Variants in LIMS1 observed in about 807,000 individuals in gnomAD.
LIMS1 encodes LIM zinc finger domain containing 1, also known as LIM and senescent cell antigen-like-containing domain protein 1.
Under a neutral mutation model 44.1 loss-of-function variants are expected in LIMS1, and 18 were observed. That is an observed-to-expected ratio of 0.41 (90% confidence interval 0.28 to 0.61). The LOEUF (loss-of-function observed/expected upper bound fraction) is 0.61. Ranked by LOEUF, LIMS1 falls within the 20% of genes least tolerant of loss-of-function variation. The pLI, the probability that LIMS1 is intolerant of heterozygous loss-of-function variation, is 0.32. For synonymous variants in LIMS1, 93 were observed against 149.1 expected, an observed-to-expected ratio of 0.62 and a Z score of 2.74; for missense variants, 201 against 422.0, an observed-to-expected ratio of 0.48 and a Z score of 4.59.
At chr2:108,534,224 G>T (rs1342035436), upstream of LIMS1, 1 of 158,084 alleles carries the variant, frequency 6.3e-6, no homozygotes, top group Non-Finnish European at 1.4e-5. Context: ...TGAAATGGGG[G>T]CGGGCCCGAG....
chr2:108,584,584 C>T (rs1686018762), intron 1 of LIMS1, among the ~76,000 whole-genome samples: 1 of 152,008 alleles, frequency 6.6e-6, no homozygotes, highest in African/African-American at 2.4e-5. Context: ...AACAGGAGCT[C>T]ATAAAATGAT....
chr2:108,682,218 A>G (rs1293282287), intron 9 of LIMS1, among the ~76,000 whole-genome samples: 5 of 152,174 alleles, frequency 3.3e-5, no homozygotes, highest in African/African-American at 1.2e-4. Context: ...TAAATGTAAG[A>G]TTAAAACAAT....
exon 1 of LIMS1, chr2:108,534,410 C>T (rs375814245): frequency 2.2e-4 from 88 of 409,212 alleles, no homozygotes; most frequent in Non-Finnish European, 2.6e-4. Flanking sequence ...CTTCCCCCCC[C>T]TCCCGCGCCC....
intron 1 of LIMS1, among the ~76,000 whole-genome samples, chr2:108,538,381 G>A (rs1684210259): frequency 6.6e-6 from 1 of 152,196 alleles, no homozygotes; most frequent in Non-Finnish European, 1.5e-5. Context: ...GGAGCTTGAT[G>A]AGTCTTCAGT....
chr2:108,680,435 G>A (rs1692893474), intron 8 of LIMS1, among the ~76,000 whole-genome samples: 1 of 150,802 alleles, frequency 6.6e-6, no homozygotes, highest in South Asian at 2.1e-4. Context: ...TACTCAGGAG[G>A]CTGAGGTGGG....
At chr2:108,576,759 A>C (rs1027872669) in intron 1 of LIMS1, among the ~76,000 whole-genome samples, 13 of 152,140 alleles carry the variant, frequency 8.5e-5, no homozygotes, top group Non-Finnish European at 1.8e-4. Flanking sequence ...CTAAGAAGCT[A>C]AGGGACAAAG....
intron 1 of LIMS1, among the ~76,000 whole-genome samples, chr2:108,626,515 T>C (rs1688585540): frequency 6.6e-6 from 1 of 152,130 alleles, no homozygotes; most frequent in South Asian, 2.1e-4. Context: ...ACAGACCCCC[T>C]CTTCACCCAC....
intron 1 of LIMS1, among the ~76,000 whole-genome samples, chr2:108,545,466 C>T (rs370199102): frequency 6.6e-5 from 10 of 152,316 alleles, no homozygotes; most frequent in African/African-American, 2.4e-4. Flanking sequence ...AACTCCTGAC[C>T]TCGGTGATCC....
At chr2:108,581,937 CAAA>C (rs1412535889) in intron 1 of LIMS1, among the ~76,000 whole-genome samples, 1 of 103,450 alleles carries the variant, frequency 9.7e-6, no homozygotes, top group African/African-American at 3.5e-5. Flanking sequence ...AACTCCATCT[CAAA>C]AAAAAAAAAA....
intron 1 of LIMS1, among the ~76,000 whole-genome samples, chr2:108,534,845 G>T (rs1684071365): frequency 6.6e-6 from 1 of 152,086 alleles, no homozygotes; most frequent in Non-Finnish European, 1.5e-5. Context: ...CCGCTGCTCC[G>T]AGAGTTCCAT....
In LIMS1 at chr2:108,547,233, G is replaced by A. The variant is rs1271333056; in HGVS notation, c.32+12639G>A. 2.0e-5 allele frequency among the ~76,000 whole-genome samples: 3 copies of A among 152,178 alleles called. No individual in the cohort carries two copies. In the East Asian group the frequency reaches 5.8e-4, roughly 29 times the overall value. ...CAAGTCCTGTTGTGGATTGGGTGGT[G>A]GATAGTCAGGCAGGACATCCTTAGG... On this transcript the variant is annotated intron_variant, in intron 1 of 9. Transcript: ENST00000544547.
At chr2:108,604,670 C>T (rs188637007) in intron 1 of LIMS1, among the ~76,000 whole-genome samples, 35 of 152,256 alleles carry the variant, frequency 2.3e-4, no homozygotes, top group African/African-American at 6.3e-4. Context: ...AGTTAGCTTC[C>T]GTTCTTTCTG....
chr2:108,567,554 C>G (rs948681373), intron 1 of LIMS1, among the ~76,000 whole-genome samples: 1 of 151,784 alleles, frequency 6.6e-6, no homozygotes, highest in Non-Finnish European at 1.5e-5. Context: ...ATGAAGATGC[C>G]CTGTTTTCCT....
chr2:108,541,664 C>T lies in LIMS1; in HGVS notation c.32+7070C>T, dbSNP rs574326626. 2.0e-5 allele frequency among the ~76,000 whole-genome samples: 3 copies of T among 152,308 alleles called. No homozygotes were observed. In the East Asian group the frequency reaches 5.8e-4, roughly 29 times the overall value. ...CCTTGTCACACACTGTTTCCTTAGC[C>T]TTTGTCTCTCTAACCCACTGCCTTT... On this transcript the variant is annotated intron_variant, in intron 1 of 9. Transcript: ENST00000544547.
chr2:108,556,688 A>T (rs1170825448), intron 1 of LIMS1, among the ~76,000 whole-genome samples: 1 of 152,146 alleles, frequency 6.6e-6, no homozygotes, highest in Non-Finnish European at 1.5e-5. Context: ...ATACCACTGG[A>T]GGCTATATGA....
At chr2:108,610,436 T>C (rs1368118373) in intron 1 of LIMS1, among the ~76,000 whole-genome samples, 1 of 152,150 alleles carries the variant, frequency 6.6e-6, no homozygotes, top group Non-Finnish European at 1.5e-5. Context: ...TCACATATTC[T>C]TTTTTCTTTT....
At position 108,630,040 on chromosome 2, in the gene LIMS1, A is replaced by G. The variant is rs573710458; in HGVS notation, c.33-29565A>G. Among the ~76,000 whole-genome samples, 3 of 152,282 alleles carry G rather than the reference A, an allele frequency of 2.0e-5. No individual in the cohort carries two copies. In the East Asian group the frequency reaches 5.8e-4, roughly 29 times the overall value. On this transcript the variant is annotated intron_variant, in intron 1 of 9. Coordinates refer to ENST00000544547, the Ensembl canonical transcript of LIMS1. ...AAACCATATTTCCACAAAGAAATACAAAAATTAGCCAAGCGTGGTGGCGTG... is the reference window on the plus strand; with the variant it reads ...AAACCATATTTCCACAAAGAAATACGAAAATTAGCCAAGCGTGGTGGCGTG...
intron 1 of LIMS1, among the ~76,000 whole-genome samples, chr2:108,641,536 T>G (rs528969383): frequency 4.6e-5 from 7 of 152,368 alleles, no homozygotes; most frequent in Admixed American, 3.3e-4. Flanking sequence ...GATAATCTTT[T>G]AGTGACTCTT....
At chr2:108,546,258 C>T (rs1166636443) in intron 1 of LIMS1, among the ~76,000 whole-genome samples, 1 of 145,552 alleles carries the variant, frequency 6.9e-6, no homozygotes, top group African/African-American at 2.5e-5. Flanking sequence ...CCCTTGCTCT[C>T]AGGCTACCGC....
Sources: gnomAD v4.1 joint callset for allele counts (sites outside exome capture counted in the v4.1 genomes callset) on GRCh38, gnomAD v4.1.1 for gene constraint, MANE v1.5 for transcripts, NCBI Gene and HGNC (gene_info 2026-07-23, HGNC 2026-07-21) for gene names.